Variants in GATAD2B observed in about 807,000 individuals in gnomAD.
GATAD2B encodes GATA zinc finger domain containing 2B.
In GATAD2B, 8 loss-of-function variants were observed where a neutral mutation model predicts 64.3. That is an observed-to-expected ratio of 0.12 (90% CI 0.07 to 0.22). The LOEUF is 0.22. GATAD2B is among the 10% of genes least tolerant of loss of function. The pLI is 1.00. For synonymous variants in GATAD2B, 281 were observed against 271.3 expected (o/e 1.04, Z -0.35); for missense variants, 453 against 752.0 (o/e 0.60, Z 4.65).
intron 1 of GATAD2B, chr1:153,852,890 C>CTG (rs1416173094): frequency 3.3e-5 from 26 of 776,494 alleles, no homozygotes; most frequent in Non-Finnish European, 4.1e-5. Flanking sequence ...TTGGTGAGCG[C>CTG]ATGTTCCAAG....
At chr1:153,887,229 C>T (rs568832118) in intron 1 of GATAD2B, among the ~76,000 whole-genome samples, 1 of 152,276 alleles carries the variant, frequency 6.6e-6, no homozygotes, top group South Asian at 2.1e-4. Flanking sequence ...AAATAGCACA[C>T]CAGGCAATCA....
In GATAD2B at chr1:153,817,475, A is replaced by G; in HGVS notation, c.797T>C (p.Ile266Thr). The G allele has an allele frequency of 6.2e-7, 1 of 1,613,640 alleles. No homozygotes were observed. Among genetic ancestry groups the G allele is most frequent in the Non-Finnish European group, 8.5e-7 (1 of 1,179,818 alleles). ...LPHMLMSQRV[I>T]APNPAQLQGQ... ...CTGTAGCTGGGCTGGGTTTGGTGCA[A>G]TAACACGTTGAGACATCAACATGTG... Residue 266 changes from isoleucine (I) to threonine (T), a missense_variant, in exon 6 of 11, where the codon ATT becomes ACT. Physicochemically the swap from Ile to Thr is moderately conservative, Grantham distance 89. Around this residue, in one of 2 missense-constraint regions of GATAD2B, gnomAD observed 293 missense variants for 417.2 expected, o/e 0.70. Coordinates refer to ENST00000368655, the MANE Select transcript of GATAD2B (RefSeq NM_020699.4).
intron 3 of GATAD2B, 89 bp from the exon 4 acceptor site, chr1:153,819,011 A>G: frequency 7.5e-7 from 1 of 1,325,654 alleles, no homozygotes; most frequent in East Asian, 2.3e-5. Context: ...TAGCTCTGAA[A>G]CCTTCATCTT....
Position 153,818,940 on chromosome 1 carries a change from C to T in GATAD2B, c.466-18G>A, listed in dbSNP as rs2101882431. ...CCTTTCCCCTAAGGAAACAAGAAGA[C>T]TTTCAGCTATGGCAGCAAGGTACCC... On this transcript the variant is annotated intron_variant, in intron 3 of 10. Coordinates refer to ENST00000368655, the MANE Select transcript of GATAD2B (RefSeq NM_020699.4). 6.2e-7 allele frequency: 1 copy of T among 1,606,050 alleles called. No homozygotes were observed.
chr1:153,830,829 G>A (rs1322512129), intron 1 of GATAD2B, among the ~76,000 whole-genome samples: 1 of 152,128 alleles, frequency 6.6e-6, no homozygotes, highest in African/African-American at 2.4e-5. Flanking sequence ...AGGCTAGGGT[G>A]CAAGTGGCAC....
chr1:153,814,079 C>CAA (rs1674377723), intron 7 of GATAD2B, among the ~76,000 whole-genome samples: 1 of 152,214 alleles, frequency 6.6e-6, no homozygotes, highest in African/African-American at 2.4e-5. Flanking sequence ...TGTGTCAATT[C>CAA]AAAGTCAAAG....
At chr1:153,831,813 G>C (rs545344156) in intron 1 of GATAD2B, among the ~76,000 whole-genome samples, 153 of 152,332 alleles carry the variant, frequency 1.0e-3, no homozygotes, top group African/African-American at 3.5e-3. Context: ...AAGTTGGGCA[G>C]AGTAGGAAAA....
At chr1:153,883,868 G>A (rs922620404) in intron 1 of GATAD2B, among the ~76,000 whole-genome samples, 15 of 152,190 alleles carry the variant, frequency 9.9e-5, no homozygotes, top group Non-Finnish European at 2.2e-4. Flanking sequence ...GGATTGATTA[G>A]TAGTCCAGAG....
At position 153,809,996 on chromosome 1, in the gene GATAD2B, G is replaced by A. The variant is rs1674238941; in HGVS notation, c.*181C>T. On this transcript the variant is annotated 3_prime_UTR_variant, in exon 11 of 11. Coordinates refer to ENST00000368655, the MANE Select transcript of GATAD2B (RefSeq NM_020699.4). ...GATCGCAGCAGTGTGAAATAAAGGG[G>A]AGGTGGCAGGGCAGGGCGTGTGTTT... 2 of 583,728 alleles carry A rather than the reference G, an allele frequency of 3.4e-6. No individual in the cohort carries two copies. Among genetic ancestry groups the A allele is most frequent in the Admixed American group, 3.4e-5 (1 of 29,514 alleles). The allele number at this position is 583,728 out of a possible 1,614,324, so 36.2% of individuals were successfully genotyped here.
At chr1:153,890,167 T>A (rs1309651730) in intron 1 of GATAD2B, among the ~76,000 whole-genome samples, 1 of 130,358 alleles carries the variant, frequency 7.7e-6, no homozygotes, top group Non-Finnish European at 1.6e-5. Flanking sequence ...AGCGAAACTC[T>A]GTTTCAAAAA....
At chr1:153,843,335 G>C (rs2101903441) in intron 1 of GATAD2B, among the ~76,000 whole-genome samples, 1 of 152,120 alleles carries the variant, frequency 6.6e-6, no homozygotes, top group South Asian at 2.1e-4. Context: ...CCAGGCTGGA[G>C]TGCAGTGGCT....
At chr1:153,885,307 A>C (rs1677144814) in intron 1 of GATAD2B, among the ~76,000 whole-genome samples, 1 of 152,140 alleles carries the variant, frequency 6.6e-6, no homozygotes, top group Non-Finnish European at 1.5e-5. Context: ...AAGTAAAAAC[A>C]CATAAAGTCT....
chr1:153,899,071 AAAG>A (rs1362155601), intron 1 of GATAD2B: 3 of 152,206 alleles, frequency 2.0e-5, no homozygotes, highest in Non-Finnish European at 2.9e-5. Context: ...GGAACATTTC[AAAG>A]AAGACAATTT....
intron 1 of GATAD2B, among the ~76,000 whole-genome samples, chr1:153,838,590 C>T (rs1443112471): frequency 6.6e-6 from 1 of 151,980 alleles, no homozygotes; most frequent in Non-Finnish European, 1.5e-5. Flanking sequence ...AAGCCTGGGC[C>T]CCCGGGTTCA....
intron 1 of GATAD2B, among the ~76,000 whole-genome samples, chr1:153,833,202 A>C (rs1675138783): frequency 6.6e-6 from 1 of 152,032 alleles, no homozygotes; most frequent in African/African-American, 2.4e-5. Flanking sequence ...TGGACAACAT[A>C]GCAAGACTCC....
At chr1:153,904,179 C>G (rs777863561) in intron 1 of GATAD2B, among the ~76,000 whole-genome samples, 25 of 152,042 alleles carry the variant, frequency 1.6e-4, no homozygotes, top group Non-Finnish European at 3.1e-4. Flanking sequence ...ACTTGGAAGG[C>G]TGACGCAGGA....
At chr1:153,844,656 G>C (rs1051258565) in intron 1 of GATAD2B, among the ~76,000 whole-genome samples, 4 of 148,736 alleles carry the variant, frequency 2.7e-5, no homozygotes, top group Non-Finnish European at 5.9e-5. Context: ...GTAAACTATC[G>C]CAAGAACAAA....
chr1:153,875,364 GA>G (rs11411749), intron 1 of GATAD2B, among the ~76,000 whole-genome samples: 8 of 149,648 alleles, frequency 5.3e-5, no homozygotes, highest in Non-Finnish European at 7.4e-5. Context: ...TGAGCTGGAA[GA>G]AAAAAAAAAT....
intron 1 of GATAD2B, chr1:153,922,101 A>G (rs1678460014): frequency 1.3e-5 from 2 of 152,228 alleles, no homozygotes; most frequent in African/African-American, 4.8e-5. Context: ...CGGGAGGGCG[A>G]GCGAACGGTG....
Sources: gnomAD v4.1 joint callset for allele counts (sites outside exome capture counted in the v4.1 genomes callset) on GRCh38, gnomAD v4.1.1 for gene constraint, gnomAD v4.1.1 regional missense constraint, MANE v1.5 for transcripts, NCBI Gene and HGNC (gene_info 2026-07-23, HGNC 2026-07-21) for gene names.